ZIM3: variants seen among roughly 807,000 people sequenced by gnomAD.
ZIM3 encodes zinc finger imprinted 3.
A neutral mutation model predicts 12.9 loss-of-function variants in ZIM3; 11 were observed. The observed-to-expected ratio is 0.85, with a 90% CI of 0.54 to 1.41. The LOEUF is 1.41. Among genes scored for constraint, ZIM3 ranks in the 40% most tolerant of loss-of-function variants. The pLI, the probability that ZIM3 is intolerant of heterozygous loss-of-function variation, is 0.00. For missense variants in ZIM3, 604 were observed against 557.2 expected (o/e 1.08, Z -0.85); for synonymous variants, 205 against 198.5 (o/e 1.03, Z -0.28).
chr19:57,137,331 A>G (rs1186733456), intron 3 of ZIM3, among the ~76,000 whole-genome samples: 1 of 152,178 alleles, frequency 6.6e-6, no homozygotes, highest in African/African-American at 2.4e-5. Context: ...CCCAGTCTCT[A>G]CAAAACCAAA....
Position 57,135,911 on chromosome 19 carries a change from T to C in ZIM3, c.426A>G (p.Gln142=), listed in dbSNP as rs368225214. The part of the protein sequence containing the change: ...DDVSSLQHYV[Q]NNSHDDNGYR... ...ATCCATTATCATCGTGAGAATTATT[T>C]TGTACATAGTGTTGCAAGGAAGATA... The change falls in exon 5 of 5, where the codon CAA becomes CAG. Residue 142 remains glutamine, a synonymous_variant. Transcript: ENST00000269834. The C allele has an allele frequency of 3.7e-6, 6 of 1,614,192 alleles. No individual in the cohort carries two copies. The highest frequency in any genetic ancestry group is 5.1e-6 in the Non-Finnish European group (6 of 1,180,038).
rs909846637 is a variant in ZIM3, at chr19:57,142,298, C to A, written c.15+331G>T. On this transcript the variant is annotated intron_variant, in intron 2 of 4. Transcript: ENST00000269834. Reference sequence around the variant, plus strand: ...AGCTGAGACTACAGGTGTACGCCACCACCACCACACCCAGCTAATTTTTTG... The same window carrying A: ...AGCTGAGACTACAGGTGTACGCCACAACCACCACACCCAGCTAATTTTTTG... Among the ~76,000 whole-genome samples, 6 of 152,102 alleles carry A rather than the reference C, an allele frequency of 3.9e-5. No homozygotes were observed. In the South Asian group the frequency reaches 1.2e-3, roughly 32 times the overall value.
chr19:57,135,922 G>A lies in ZIM3; in HGVS notation c.415C>T (p.His139Tyr). The change falls in exon 5 of 5, where the codon CAC (histidine) becomes TAC (tyrosine). Residue 139 changes from histidine (H) to tyrosine (Y), a missense_variant. Coordinates refer to ENST00000269834, the MANE Select transcript of ZIM3 (RefSeq NM_052882.1). ...LGIDDVSSLQ[H>Y]YVQNNSHDDN... The stretch of plus-strand genomic sequence containing the variant: ...TCGTGAGAATTATTTTGTACATAGT[G>A]TTGCAAGGAAGATACATCATCTATG... 6.2e-7 allele frequency: 1 copy of A among 1,614,088 alleles called. No individual in the cohort carries two copies. The highest frequency in any genetic ancestry group is 8.5e-7 in the Non-Finnish European group (1 of 1,180,030).
At chr19:57,140,846 G>A (rs960206830) in intron 2 of ZIM3, among the ~76,000 whole-genome samples, 4 of 152,080 alleles carry the variant, frequency 2.6e-5, no homozygotes. Flanking sequence ...ACTACTATCT[G>A]CCTAACTGCA....
intron 3 of ZIM3, 25 bp downstream of exon 3, chr19:57,138,447 C>A: frequency 6.2e-7 from 1 of 1,613,922 alleles, no homozygotes; most frequent in Non-Finnish European, 8.5e-7. Flanking sequence ...GTTTTGAGTC[C>A]CCCTGCCCGG....
intron 3 of ZIM3, among the ~76,000 whole-genome samples, chr19:57,137,791 G>A (rs566839015): frequency 1.6e-4 from 24 of 150,002 alleles, no homozygotes; most frequent in African/African-American, 5.9e-4. Context: ...CCTGTTAGGA[G>A]AAAGGAGATA....
chr19:57,141,063 G>A (rs1001632236), intron 2 of ZIM3, among the ~76,000 whole-genome samples: 1 of 152,052 alleles, frequency 6.6e-6, no homozygotes, highest in African/African-American at 2.4e-5. Flanking sequence ...TACATCTCAG[G>A]GCTTAGCAGT....
At chr19:57,139,988 C>T (rs1034867067) in intron 2 of ZIM3, among the ~76,000 whole-genome samples, 2 of 152,102 alleles carry the variant, frequency 1.3e-5, no homozygotes, top group African/African-American at 2.4e-5. Flanking sequence ...ACTGGACTTA[C>T]GGCAGCATTT....
rs1382214098 is a variant in ZIM3, at chr19:57,135,838, G to A, written c.499C>T (p.Leu167=). 1 of 1,614,122 alleles carries A rather than the reference G, an allele frequency of 6.2e-7. No homozygotes were observed. Among genetic ancestry groups the A allele is most frequent in the Admixed American group, 1.7e-5 (1 of 60,016 alleles). Residue 167 remains leucine, a synonymous_variant, in exon 5 of 5, where the codon CTG becomes TTG. Coordinates refer to ENST00000269834, the MANE Select transcript of ZIM3 (RefSeq NM_052882.1). The stretch of plus-strand genomic sequence containing the variant: ...AACTTTCTACAGGCATTACATTTCA[G>A]TTGTTGTCCTACAAATTTGGATGGA... ...NNPSKFVGQQ[L]KCNACRKLFS...
chr19:57,134,823 T>C lies in ZIM3; in HGVS notation c.*95A>G. 7.6e-7 allele frequency: 1 copy of C among 1,321,060 alleles called. No homozygotes were observed. The highest frequency in any genetic ancestry group is 1.0e-6 in the Non-Finnish European group (1 of 958,640). 81.8% of individuals were successfully genotyped at this position (1,321,060 alleles called of 1,614,324 possible). On this transcript the variant is annotated 3_prime_UTR_variant, in exon 5 of 5. Transcript: ENST00000269834. ...AATAAGTCCTCGCTACCTTCAAAAATAGCCTCCAAATTAGAGGCCATTTCA... is the reference window on the plus strand; with the variant it reads ...AATAAGTCCTCGCTACCTTCAAAAACAGCCTCCAAATTAGAGGCCATTTCA...
chr19:57,143,986 G>A (rs936694656), intron 1 of ZIM3, among the ~76,000 whole-genome samples: 6 of 152,040 alleles, frequency 3.9e-5, no homozygotes, highest in Non-Finnish European at 7.4e-5. Flanking sequence ...AAGCCCAGGA[G>A]TTTGAGACCA....
At chr19:57,138,736 A>T (rs1244486895) in intron 2 of ZIM3, 138 bp from the exon 3 acceptor site, 4 of 1,192,376 alleles carry the variant, frequency 3.4e-6, no homozygotes, top group African/African-American at 3.1e-5. Flanking sequence ...AATTGTGCCC[A>T]GAGGATCTTG....
At chr19:57,138,814 AT>A (rs2086901448) in intron 2 of ZIM3, among the ~76,000 whole-genome samples, 1 of 152,078 alleles carries the variant, frequency 6.6e-6, no homozygotes, top group African/African-American at 2.4e-5. Context: ...AGTCCCACCA[AT>A]TTTACTTCCT....
At chr19:57,137,032 GTA>G in intron 3 of ZIM3, 61 bp from the exon 4 acceptor site, 1 of 1,514,012 alleles carries the variant, frequency 6.6e-7, no homozygotes, top group Non-Finnish European at 9.2e-7. Flanking sequence ...TTGTGCAAGT[GTA>G]TGAGTGTATA....
intron 1 of ZIM3, 137 bp from the exon 2 acceptor site, chr19:57,142,822 T>G (rs935689413): frequency 3.8e-5 from 23 of 602,586 alleles, no homozygotes; most frequent in Non-Finnish European, 6.4e-5. Context: ...TGTACCTCAG[T>G]GATCCCCTTC....
intron 4 of ZIM3, among the ~76,000 whole-genome samples, 191 bp downstream of exon 4, chr19:57,136,682 A>AC (rs2086888733): frequency 6.6e-6 from 1 of 151,112 alleles, no homozygotes; most frequent in Non-Finnish European, 1.5e-5. Context: ...AAAAAGAAAA[A>AC]AAAAAGAGTT....
chr19:57,138,098 G>A (rs1296318046), intron 3 of ZIM3, among the ~76,000 whole-genome samples: 2 of 110,684 alleles, frequency 1.8e-5, no homozygotes, highest in Non-Finnish European at 3.8e-5. Flanking sequence ...TAGGAAGGGA[G>A]GAAGGGAAGG....
intron 2 of ZIM3, among the ~76,000 whole-genome samples, chr19:57,140,470 C>T (rs1452069974): frequency 2.6e-5 from 4 of 151,520 alleles, no homozygotes; most frequent in African/African-American, 7.3e-5. Context: ...GCCACCGCAC[C>T]CGGCCTTTTT....
At chr19:57,142,281 C>T (rs1474570077) in intron 2 of ZIM3, among the ~76,000 whole-genome samples, 1 of 151,462 alleles carries the variant, frequency 6.6e-6, no homozygotes. Context: ...GTAGCTGAGA[C>T]TACAGGTGTA....
Sources: gnomAD v4.1 joint callset for allele counts (sites outside exome capture counted in the v4.1 genomes callset) on GRCh38, gnomAD v4.1.1 for gene constraint, MANE v1.5 for transcripts, NCBI Gene and HGNC (gene_info 2026-07-23, HGNC 2026-07-21) for gene names.